The following DNM3 variants were observed in gnomAD, a reference collection of about 807,000 sequenced individuals.
DNM3 encodes dynamin-3.
Under a neutral mutation model 101.6 loss-of-function variants are expected in DNM3, and 47 were observed. The observed-to-expected ratio is 0.46, with a 90% CI of 0.37 to 0.59. The LOEUF is 0.59. DNM3 is among the 20% of genes least tolerant of loss of function. The probability of loss-of-function intolerance (pLI) is 0.00; values close to 1 mark genes in which losing one functional copy is unlikely to be tolerated. For missense variants in DNM3, 849 were observed against 1,085.7 expected, an observed-to-expected ratio of 0.78 and a Z score of 3.06; for synonymous variants, 385 against 387.9, an observed-to-expected ratio of 0.99 and a Z score of 0.09.
Position 172,201,175 on chromosome 1 carries a change from A to G in DNM3, c.1660-52398A>G, listed in dbSNP as rs114950766. On this transcript the variant is annotated intron_variant, in intron 14 of 20. Transcript: ENST00000627582. ...GTGTTGAAGCTTTAGGGTGTGATCC[A>G]GCAGGTGGCACTTAGGCTTATTGGT... Among the ~76,000 whole-genome samples the G allele has an allele frequency of 8.7e-3, 1,328 of 152,294 alleles. 17 individuals carry two copies. The highest frequency in any genetic ancestry group is 0.029 in the African/African-American group (1,188 of 41,564).
intron 17 of DNM3, among the ~76,000 whole-genome samples, chr1:172,367,648 T>C (rs1297868907): frequency 2.0e-5 from 3 of 151,884 alleles, no homozygotes; most frequent in Non-Finnish European, 4.4e-5. Context: ...TATAAACAAC[T>C]GGCTGAATGG....
chr1:171,991,170 C>A lies in DNM3; in HGVS notation c.589+2022C>A, dbSNP rs112499117. Among the ~76,000 whole-genome samples the A allele has an allele frequency of 9.7e-3, 1,483 of 152,252 alleles. 28 individuals carry two copies. Among genetic ancestry groups the A allele is most frequent in the African/African-American group, 0.034 (1,417 of 41,552 alleles). Reference sequence around the variant, plus strand: ...CCAGATGTGTGGTGATTTCTCCCTACTGCAAACAAGCAATTAATTCTTTTC... The same window carrying A: ...CCAGATGTGTGGTGATTTCTCCCTAATGCAAACAAGCAATTAATTCTTTTC... On this transcript the variant is annotated intron_variant, in intron 4 of 20. Coordinates refer to ENST00000627582, the MANE Select transcript of DNM3 (RefSeq NM_015569.5).
At chr1:171,993,843 G>T (rs1400327476) in intron 4 of DNM3, among the ~76,000 whole-genome samples, 1 of 151,740 alleles carries the variant, frequency 6.6e-6, no homozygotes, top group Non-Finnish European at 1.5e-5. Context: ...CTTCAAGTTT[G>T]CTGATTCTTT....
chr1:172,242,880 CT>C (rs2061803093), intron 14 of DNM3, among the ~76,000 whole-genome samples: 1 of 152,184 alleles, frequency 6.6e-6, no homozygotes, highest in Non-Finnish European at 1.5e-5. Flanking sequence ...TTCTTTCCCC[CT>C]GTAGGTATTT....
chr1:172,401,263 A>G (rs1024007858), intron 20 of DNM3, among the ~76,000 whole-genome samples: 2 of 152,324 alleles, frequency 1.3e-5, no homozygotes, highest in Non-Finnish European at 2.9e-5. Context: ...ATGTTGTAAA[A>G]TTCTTTTTAC....
chr1:172,038,416 A>C lies in DNM3; in HGVS notation c.947A>C (p.Asn316Thr). 6.2e-7 allele frequency: 1 copy of C among 1,613,468 alleles called. No homozygotes were observed. Among genetic ancestry groups the C allele is most frequent in the South Asian group, 1.1e-5 (1 of 91,066 alleles). ...SIEHEVEAYK[N>T]FKPEDPTRKT... Reference sequence around the variant, plus strand: ...GAACATGAAGTAGAAGCCTACAAAAATTTCAAACCAGAAGACCCAACAAGG... The same window carrying C: ...GAACATGAAGTAGAAGCCTACAAAACTTTCAAACCAGAAGACCCAACAAGG... The change falls in exon 7 of 21, where the codon AAT (asparagine) becomes ACT (threonine). Residue 316 changes from asparagine (N) to threonine (T), a missense_variant. Transcript: ENST00000627582.
chr1:172,313,917 C>T (rs1431143997), intron 16 of DNM3, among the ~76,000 whole-genome samples: 1 of 152,104 alleles, frequency 6.6e-6, no homozygotes, highest in Non-Finnish European at 1.5e-5. Flanking sequence ...ATCTACATTA[C>T]ATATTTCTCC....
chr1:172,412,182 G>A lies in DNM3; in HGVS notation c.*4341G>A. On this transcript the variant is annotated 3_prime_UTR_variant, in exon 21 of 21. Coordinates refer to ENST00000627582, the MANE Select transcript of DNM3 (RefSeq NM_015569.5). ...GTGAGACTTCTCACTTCTGGTTGGAGGTTTCACATATGGCTCAACTCAAGT... is the reference window on the plus strand; with the variant it reads ...GTGAGACTTCTCACTTCTGGTTGGAAGTTTCACATATGGCTCAACTCAAGT... 3 of 985,614 alleles carry A rather than the reference G, an allele frequency of 3.0e-6. No homozygotes were observed. Among genetic ancestry groups the A allele is most frequent in the Non-Finnish European group, 3.6e-6 (3 of 829,844 alleles). The allele number at this position is 985,614 out of a possible 1,614,324, so 61.1% of individuals were successfully genotyped here.
At chr1:172,023,507 G>T (rs2047985258) in intron 4 of DNM3, among the ~76,000 whole-genome samples, 1 of 152,078 alleles carries the variant, frequency 6.6e-6, no homozygotes, top group Admixed American at 6.5e-5. Flanking sequence ...CCAGTTTGCT[G>T]CTAGGAAGAC....
At chr1:171,975,022 A>G (rs1208148172) in intron 2 of DNM3, among the ~76,000 whole-genome samples, 5 of 152,026 alleles carry the variant, frequency 3.3e-5, no homozygotes, top group Non-Finnish European at 1.5e-5. Flanking sequence ...AGCTAATGAA[A>G]AAAAGATTTT....
At chr1:171,942,236 G>A (rs1571739952) in intron 2 of DNM3, among the ~76,000 whole-genome samples, 2 of 125,264 alleles carry the variant, frequency 1.6e-5, no homozygotes, top group South Asian at 5.2e-4. Flanking sequence ...TGGAATAAGG[G>A]ATCTGATACT....
intron 14 of DNM3, among the ~76,000 whole-genome samples, chr1:172,166,407 T>A (rs567336163): frequency 3.1e-4 from 47 of 152,216 alleles, no homozygotes; most frequent in African/African-American, 1.0e-3. Context: ...GTTTTATATA[T>A]GCTGTAATAT....
chr1:172,011,488 T>C (rs2047122683), intron 4 of DNM3, among the ~76,000 whole-genome samples: 1 of 152,044 alleles, frequency 6.6e-6, no homozygotes, highest in Non-Finnish European at 1.5e-5. Flanking sequence ...TAATTGATGG[T>C]TATCTCCTTG....
intron 14 of DNM3, among the ~76,000 whole-genome samples, chr1:172,194,681 AC>A (rs1355226800): frequency 2.7e-5 from 4 of 150,592 alleles, no homozygotes; most frequent in African/African-American, 9.7e-5. Context: ...TAGGATTGCA[AC>A]CCCTACTTTT....
At chr1:172,400,698 T>C (rs2149110970) in intron 20 of DNM3, among the ~76,000 whole-genome samples, 1 of 152,312 alleles carries the variant, frequency 6.6e-6, no homozygotes, top group African/African-American at 2.4e-5. Context: ...AGAAATCATA[T>C]TTTAATACAA....
At chr1:172,069,435 C>T (rs934422747) in intron 11 of DNM3, among the ~76,000 whole-genome samples, 5 of 152,056 alleles carry the variant, frequency 3.3e-5, no homozygotes, top group African/African-American at 1.2e-4. Flanking sequence ...CTCTTTTAAA[C>T]ATTTCTATTT....
At chr1:172,007,147 A>G (rs1558409881) in intron 4 of DNM3, among the ~76,000 whole-genome samples, 1 of 152,108 alleles carries the variant, frequency 6.6e-6, no homozygotes, top group East Asian at 1.9e-4. Flanking sequence ...CCATGTTCAT[A>G]TGTTTCATTT....
chr1:172,410,732 C>T lies in DNM3; in HGVS notation c.*2891C>T. ...AATTTCCTATTTGTTCCAATACAAA[C>T]TCACTTTATTCTAAAGTATATTAAT... is the stretch of plus-strand genomic sequence containing the variant. On this transcript the variant is annotated 3_prime_UTR_variant, in exon 21 of 21. Coordinates refer to ENST00000627582, the MANE Select transcript of DNM3 (RefSeq NM_015569.5). The T allele has an allele frequency of 2.0e-6, 2 of 985,274 alleles. No individual in the cohort carries two copies. Among genetic ancestry groups the T allele is most frequent in the Non-Finnish European group, 2.4e-6 (2 of 829,808 alleles). 61.0% of individuals were successfully genotyped at this position (985,274 alleles called of 1,614,324 possible).
At chr1:172,360,163 C>T (rs184995196) in intron 17 of DNM3, among the ~76,000 whole-genome samples, 2 of 151,982 alleles carry the variant, frequency 1.3e-5, no homozygotes, top group Non-Finnish European at 2.9e-5. Flanking sequence ...TTACCATATC[C>T]CTCTGGGTAA....
Sources: allele counts gnomAD v4.1 joint callset (sites outside exome capture counted in the v4.1 genomes callset), GRCh38; gene constraint gnomAD v4.1.1; transcripts MANE v1.5; gene names NCBI Gene and HGNC (gene_info 2026-07-23, HGNC 2026-07-21).